IFT88: variants seen among roughly 807,000 people sequenced by gnomAD.
IFT88 encodes intraflagellar transport 88.
Under a neutral mutation model 119.5 loss-of-function variants are expected in IFT88, and 74 were observed. The ratio of observed to expected loss-of-function variants is 0.62; its 90% confidence interval spans 0.51 to 0.75. The LOEUF is 0.75. IFT88 is among the 30% of genes least tolerant of loss of function. IFT88 has a pLI of 0.00. For missense variants in IFT88, 961 were observed against 977.7 expected (o/e 0.98, Z 0.23); for synonymous variants, 279 against 316.7 (o/e 0.88, Z 1.26).
At position 20,643,548 on chromosome 13, in the gene IFT88, A is replaced by G. The variant is rs1374092269; in HGVS notation, c.1776A>G (p.Leu592=). 6.2e-7 allele frequency: 1 copy of G among 1,606,542 alleles called. No homozygotes were observed. Among genetic ancestry groups the G allele is most frequent in the Non-Finnish European group, 8.5e-7 (1 of 1,173,288 alleles). ...CCGATCCTCAAGTTTTATCTAAGCT[A>G]GGAGAATTATATGATCGTGAAGGAG... The part of the protein sequence containing the change: ...IPTDPQVLSK[L]GELYDREGDK... Residue 592 remains leucine, a synonymous_variant, in exon 19 of 26, where the codon CTA becomes CTG. Coordinates refer to ENST00000351808, the MANE Select transcript of IFT88 (RefSeq NM_006531.5).
chr13:20,589,086 C>G (rs1476936223), intron 3 of IFT88, among the ~76,000 whole-genome samples: 1 of 152,154 alleles, frequency 6.6e-6, no homozygotes, highest in Non-Finnish European at 1.5e-5. Flanking sequence ...GCCTTCCCAT[C>G]TCTTCGTTAT....
chr13:20,609,204 G>T (rs900185311), intron 13 of IFT88, among the ~76,000 whole-genome samples: 3 of 152,222 alleles, frequency 2.0e-5, no homozygotes, highest in African/African-American at 7.2e-5. Flanking sequence ...TGATGCCTGT[G>T]TGACACATTT....
At chr13:20,577,266 CTT>C (rs1326316003) in intron 2 of IFT88, among the ~76,000 whole-genome samples, 2 of 152,040 alleles carry the variant, frequency 1.3e-5, no homozygotes, top group African/African-American at 4.8e-5. Context: ...TTGGTGGAGT[CTT>C]TATGTTTTTC....
Position 20,592,402 on chromosome 13 carries a change from T to C in IFT88, c.396T>C (p.Asp132=), listed in dbSNP as rs1221937404. The C allele has an allele frequency of 1.2e-6, 2 of 1,607,390 alleles. No homozygotes were observed. Among genetic ancestry groups the C allele is most frequent in the Admixed American group, 1.7e-5 (1 of 58,864 alleles). The change falls in exon 7 of 26, where the codon GAT becomes GAC. Residue 132 remains aspartate, a splice_region_variant and synonymous_variant. Coordinates refer to ENST00000351808, the MANE Select transcript of IFT88 (RefSeq NM_006531.5). The stretch of plus-strand genomic sequence containing the variant: ...CCCCTTTGGAAGCCAAGAAAAAAGA[T>C]AGGTATGTAAGTCCTTATGTTGTTG... ...PASPLEAKKK[D]SPEEKIKQLE...
At chr13:20,577,928 T>C (rs922446202) in intron 2 of IFT88, among the ~76,000 whole-genome samples, 1 of 152,142 alleles carries the variant, frequency 6.6e-6, no homozygotes, top group African/African-American at 2.4e-5. Flanking sequence ...GTAGGATTTA[T>C]ATTAGTTCTT....
intron 11 of IFT88, among the ~76,000 whole-genome samples, chr13:20,601,195 G>A (rs1382865159): frequency 2.6e-5 from 4 of 152,184 alleles, no homozygotes; most frequent in African/African-American, 4.8e-5. Flanking sequence ...GTGAAACCCC[G>A]TCTCTACTAA....
intron 18 of IFT88, 144 bp from the exon 19 acceptor site, chr13:20,643,311 T>C (rs2050242613): frequency 1.6e-6 from 1 of 617,870 alleles, no homozygotes; most frequent in South Asian, 2.3e-5. Context: ...GCATTCCATC[T>C]CCACCCCTGA....
chr13:20,643,074 T>C (rs1464597953), intron 18 of IFT88, among the ~76,000 whole-genome samples: 1 of 148,252 alleles, frequency 6.7e-6, no homozygotes, highest in Non-Finnish European at 1.5e-5. Context: ...TAGGGAAAAC[T>C]CACAGGAAAA....
intron 1 of IFT88, among the ~76,000 whole-genome samples, chr13:20,573,327 C>G (rs1396001544): frequency 6.6e-6 from 1 of 151,994 alleles, no homozygotes; most frequent in East Asian, 1.9e-4. Context: ...CTCCCTGCCC[C>G]ACTTTTTTGC....
rs1359262458 is a variant in IFT88, at chr13:20,581,320, G to A, written c.91-1637G>A. 2.0e-5 allele frequency among the ~76,000 whole-genome samples: 3 copies of A among 152,176 alleles called. No homozygotes were observed. In the South Asian group the frequency reaches 6.2e-4, roughly 32 times the overall value. On this transcript the variant is annotated intron_variant, in intron 2 of 25. Transcript: ENST00000351808. ...CAAAAGTTGTATAAGTTTGGTGTTT[G>A]TAATTGGAGAATTTGTTGACTGTCC... is the stretch of plus-strand genomic sequence containing the variant.
chr13:20,640,049 C>T (rs1343349964), intron 17 of IFT88, among the ~76,000 whole-genome samples: 3 of 151,858 alleles, frequency 2.0e-5, no homozygotes, highest in African/African-American at 4.8e-5. Flanking sequence ...CTCAGCCTCC[C>T]AAAGTGATGG....
At chr13:20,658,746 T>C (rs1019957236) in intron 22 of IFT88, among the ~76,000 whole-genome samples, 1 of 152,180 alleles carries the variant, frequency 6.6e-6, no homozygotes, top group African/African-American at 2.4e-5. Context: ...CCCCTAGATA[T>C]GAAAACCAGA....
intron 20 of IFT88, among the ~76,000 whole-genome samples, chr13:20,647,151 C>G (rs2050880271): frequency 6.6e-6 from 1 of 152,172 alleles, no homozygotes; most frequent in African/African-American, 2.4e-5. Context: ...TAACATTTCT[C>G]TCTACTTTTC....
intron 16 of IFT88, among the ~76,000 whole-genome samples, chr13:20,635,088 TG>T (rs1409495163): frequency 1.3e-5 from 2 of 152,104 alleles, no homozygotes; most frequent in Admixed American, 1.3e-4. Flanking sequence ...CTGAGAATGA[TG>T]GTTTCCAGCT....
At chr13:20,581,450 G>A (rs1048660284) in intron 2 of IFT88, among the ~76,000 whole-genome samples, 22 of 152,024 alleles carry the variant, frequency 1.4e-4, no homozygotes, top group Non-Finnish European at 2.8e-4. Context: ...ATCTGCTAAA[G>A]TAGAAGTATA....
At position 20,601,734 on chromosome 13, in the gene IFT88, C is replaced by A. The variant is rs2042621794; in HGVS notation, c.842C>A (p.Thr281Lys). The A allele has an allele frequency of 6.2e-7, 1 of 1,610,070 alleles. No homozygotes were observed. Among genetic ancestry groups the A allele is most frequent in the Admixed American group, 1.7e-5 (1 of 59,916 alleles). The change falls in exon 12 of 26, where the codon ACA becomes AAA. Residue 281 changes from threonine to lysine, a missense_variant. Transcript: ENST00000351808. Reference protein sequence around the residue: ...RIKIMQNIGVTFIQAGQYSDA... With the variant: ...RIKIMQNIGVKFIQAGQYSDA... ...AAAATAATGCAGAATATTGGAGTTA[C>A]ATTTATTCAGGCTGGTCAGTATTCA...
chr13:20,584,067 C>G (rs182498415), intron 3 of IFT88, among the ~76,000 whole-genome samples: 150 of 151,926 alleles, frequency 9.9e-4, no homozygotes, highest in African/African-American at 3.4e-3. Context: ...AAATGTGAAC[C>G]TTCCAACTTT....
chr13:20,646,372 G>A (rs2050758353), intron 20 of IFT88, among the ~76,000 whole-genome samples: 2 of 150,518 alleles, frequency 1.3e-5, no homozygotes, highest in Non-Finnish European at 2.9e-5. Flanking sequence ...GCGTGATCCC[G>A]GCTCACTGCA....
intron 2 of IFT88, among the ~76,000 whole-genome samples, chr13:20,576,932 C>T (rs768237522): frequency 1.3e-5 from 2 of 151,996 alleles, no homozygotes; most frequent in Non-Finnish European, 2.9e-5. Flanking sequence ...GGTGTTGCAC[C>T]GAATCTGTAG....
Sources: allele counts gnomAD v4.1 joint callset (sites outside exome capture counted in the v4.1 genomes callset), GRCh38; gene constraint gnomAD v4.1.1; transcripts MANE v1.5; gene names NCBI Gene and HGNC (gene_info 2026-07-23, HGNC 2026-07-21).